Variants in ASIC2 observed in about 807,000 individuals in gnomAD.
ASIC2 encodes acid sensing ion channel subunit 2.
Under a neutral mutation model 57.3 loss-of-function variants are expected in ASIC2, and 25 were observed. The ratio of observed to expected loss-of-function variants is 0.44; its 90% CI spans 0.32 to 0.61. ASIC2 has a LOEUF of 0.61. ASIC2 is among the 20% of genes least tolerant of loss of function. The pLI is 0.06. For synonymous variants in ASIC2, 319 were observed against 307.5 expected (o/e 1.04, Z -0.39); for missense variants, 641 against 738.1 (o/e 0.87, Z 1.52).
intron 1 of ASIC2, among the ~76,000 whole-genome samples, chr17:33,822,395 G>T (rs1912772297): frequency 1.3e-5 from 2 of 152,170 alleles, no homozygotes; most frequent in Admixed American, 6.5e-5. Flanking sequence ...TGTGGCTGGT[G>T]GGTATTGATG....
chr17:33,355,073 T>C (rs1908326142), intron 1 of ASIC2, among the ~76,000 whole-genome samples: 1 of 152,132 alleles, frequency 6.6e-6, no homozygotes, highest in Non-Finnish European at 1.5e-5. Flanking sequence ...ATATTCGGAG[T>C]GCTAATTGGT....
intron 5 of ASIC2, 104 bp from the exon 6 acceptor site, chr17:33,024,118 G>T: frequency 1.4e-6 from 2 of 1,473,876 alleles, no homozygotes; most frequent in Non-Finnish European, 1.9e-6. Flanking sequence ...CTGGGAAGGG[G>T]CACTGGTCTG....
intron 1 of ASIC2, among the ~76,000 whole-genome samples, chr17:33,728,454 C>T (rs1909633158): frequency 6.6e-6 from 1 of 152,152 alleles, no homozygotes; most frequent in African/African-American, 2.4e-5. Flanking sequence ...ACTTATGGGA[C>T]CCCTAGCTCT....
intron 1 of ASIC2, among the ~76,000 whole-genome samples, chr17:33,697,519 A>T (rs952360358): frequency 5.9e-5 from 9 of 152,210 alleles, no homozygotes; most frequent in Non-Finnish European, 1.3e-4. Flanking sequence ...GTACCATAAG[A>T]AAGGGACGGT....
In ASIC2 at chr17:33,616,974, C is replaced by T. The variant is rs559320611; in HGVS notation, c.556-504907G>A. ...ACGATGCCTCTCTGACCTCTTTCCT[C>T]GGCCCTTTCAAGGGTTGTGTAAACC... On this transcript the variant is annotated intron_variant, in intron 1 of 9. Transcript: ENST00000359872. Among the ~76,000 whole-genome samples the T allele has an allele frequency of 4.4e-4, 67 of 152,328 alleles. No homozygotes were observed. In the Middle Eastern group the frequency reaches 0.01, roughly 23 times the overall value.
intron 1 of ASIC2, among the ~76,000 whole-genome samples, chr17:33,264,981 C>T (rs900604229): frequency 6.6e-6 from 1 of 152,240 alleles, no homozygotes; most frequent in Admixed American, 6.5e-5. Flanking sequence ...AGGGGCTTTG[C>T]CCCTGATTAT....
At chr17:34,084,637 T>C (rs1447382912) in intron 1 of ASIC2, among the ~76,000 whole-genome samples, 1 of 152,204 alleles carries the variant, frequency 6.6e-6, no homozygotes. Flanking sequence ...TTGGGCAGTA[T>C]GGCCATTTTC....
At chr17:33,175,772 C>A (rs1905731394) in intron 1 of ASIC2, among the ~76,000 whole-genome samples, 1 of 152,170 alleles carries the variant, frequency 6.6e-6, no homozygotes, top group Non-Finnish European at 1.5e-5. Flanking sequence ...CCCATCTCTT[C>A]CCCGGGAGGC....
At chr17:33,559,128 C>G (rs768303403) in intron 1 of ASIC2, among the ~76,000 whole-genome samples, 23 of 152,136 alleles carry the variant, frequency 1.5e-4, no homozygotes, top group Non-Finnish European at 2.2e-4. Flanking sequence ...AACAAGGCCT[C>G]TACACTCTGA....
intron 1 of ASIC2, among the ~76,000 whole-genome samples, chr17:34,032,276 A>G (rs1198869981): frequency 6.6e-6 from 1 of 152,208 alleles, no homozygotes; most frequent in African/African-American, 2.4e-5. Flanking sequence ...TTCATAAGTG[A>G]AGGAGAAATA....
At chr17:34,017,909 A>G (rs142247895) in intron 1 of ASIC2, among the ~76,000 whole-genome samples, 26 of 152,354 alleles carry the variant, frequency 1.7e-4, no homozygotes, top group Non-Finnish European at 3.5e-4. Flanking sequence ...TGCAAGGTGA[A>G]GCAGCAAATG....
intron 1 of ASIC2, among the ~76,000 whole-genome samples, chr17:33,213,505 G>C (rs1907360866): frequency 6.6e-6 from 1 of 152,210 alleles, no homozygotes; most frequent in Admixed American, 6.5e-5. Context: ...CAAGGCCTGG[G>C]AGTGAAGCTC....
intron 1 of ASIC2, among the ~76,000 whole-genome samples, chr17:33,669,562 T>C (rs1447557933): frequency 1.3e-5 from 2 of 152,138 alleles, no homozygotes; most frequent in Non-Finnish European, 1.5e-5. Flanking sequence ...ATAACCTATT[T>C]AGCATTTCTG....
chr17:33,382,627 G>C (rs1374749959), intron 1 of ASIC2, among the ~76,000 whole-genome samples: 1 of 152,172 alleles, frequency 6.6e-6, no homozygotes, highest in East Asian at 1.9e-4. Flanking sequence ...TCCACAAACA[G>C]CTCATTCGAT....
chr17:33,541,896 G>C (rs1915423215), intron 1 of ASIC2, among the ~76,000 whole-genome samples: 2 of 152,174 alleles, frequency 1.3e-5, no homozygotes, highest in Admixed American at 6.5e-5. Context: ...CTGGACAAGA[G>C]TTTGGGAGCT....
intron 3 of ASIC2, among the ~76,000 whole-genome samples, chr17:33,055,991 G>A (rs140367446): frequency 1.4e-3 from 210 of 152,276 alleles, no homozygotes; most frequent in African/African-American, 4.8e-3. Context: ...TTCTGGCATG[G>A]ACTCCAAGTA....
chr17:33,514,390 C>T (rs1567636090), intron 1 of ASIC2, among the ~76,000 whole-genome samples: 1 of 152,076 alleles, frequency 6.6e-6, no homozygotes, highest in African/African-American at 2.4e-5. Context: ...CTCTTCCACA[C>T]CCCCCTCAAC....
At chr17:33,505,942 C>T (rs1265243959) in intron 1 of ASIC2, among the ~76,000 whole-genome samples, 1 of 152,080 alleles carries the variant, frequency 6.6e-6, no homozygotes, top group African/African-American at 2.4e-5. Context: ...GGACTTCAAG[C>T]TCCTTGAAAA....
At chr17:33,348,198 G>A (rs751524099) in intron 1 of ASIC2, among the ~76,000 whole-genome samples, 3 of 152,156 alleles carry the variant, frequency 2.0e-5, no homozygotes, top group Non-Finnish European at 2.9e-5. Context: ...TTTAGCAGTC[G>A]CTGTGAATGA....
Sources: allele counts gnomAD v4.1 joint callset (sites outside exome capture counted in the v4.1 genomes callset), GRCh38; gene constraint gnomAD v4.1.1; transcripts MANE v1.5; gene names NCBI Gene and HGNC (gene_info 2026-07-23, HGNC 2026-07-21).